ZNF385D: variants seen among roughly 807,000 people sequenced by gnomAD.
ZNF385D encodes zinc finger protein 659.
ZNF385D carries 15 observed loss-of-function variants against 35.8 expected under a neutral mutation model. That is an observed-to-expected ratio of 0.42 (90% CI 0.28 to 0.64). The LOEUF (loss-of-function observed/expected upper bound fraction) is 0.64, where lower values mean the gene tolerates loss of function less well. Ranked by LOEUF, ZNF385D falls within the 30% of genes least tolerant of loss-of-function variation. The probability of loss-of-function intolerance (pLI) is 0.23; values close to 1 mark genes in which losing one functional copy is unlikely to be tolerated. For synonymous variants in ZNF385D, 212 were observed against 186.8 expected (o/e 1.13, Z -1.10); for missense variants, 474 against 494.6 (o/e 0.96, Z 0.39).
At chr3:22,213,376 T>G (rs943420516) in intron 2 of ZNF385D, among the ~76,000 whole-genome samples, 16 of 152,086 alleles carry the variant, frequency 1.1e-4, no homozygotes, top group African/African-American at 3.9e-4. Flanking sequence ...TGGACCAGAT[T>G]TGACCATTGG....
intron 2 of ZNF385D, among the ~76,000 whole-genome samples, chr3:22,252,504 TC>T (rs1403947136): frequency 2.0e-5 from 3 of 152,014 alleles, no homozygotes; most frequent in African/African-American, 7.2e-5. Flanking sequence ...TGAGCAGAGT[TC>T]ATGGGAGCAA....
intron 3 of ZNF385D, among the ~76,000 whole-genome samples, chr3:21,832,771 T>C (rs190951315): frequency 1.3e-5 from 2 of 152,300 alleles, no homozygotes; most frequent in East Asian, 1.9e-4. Flanking sequence ...GAAGTTGTAC[T>C]AGACATTTCA....
chr3:21,751,925 C>G (rs12637349), upstream of ZNF385D, among the ~76,000 whole-genome samples: 16,681 of 151,494 alleles, frequency 0.11, 1,317 homozygotes, highest in East Asian at 0.41. Flanking sequence ...AACGGAGAGA[C>G]GATTAGCCTG....
intron 3 of ZNF385D, among the ~76,000 whole-genome samples, chr3:21,542,231 C>A (rs898044163): frequency 1.3e-5 from 2 of 152,058 alleles, no homozygotes; most frequent in African/African-American, 4.8e-5. Flanking sequence ...ATGAATCCTG[C>A]ATTGTGGAGA....
intron 3 of ZNF385D, among the ~76,000 whole-genome samples, chr3:21,851,392 T>C (rs908133325): frequency 2.6e-5 from 4 of 152,026 alleles, no homozygotes; most frequent in African/African-American, 7.2e-5. Flanking sequence ...ACTCAATATA[T>C]GTCCAGCAAT....
intron 4 of ZNF385D, among the ~76,000 whole-genome samples, chr3:21,453,816 T>C (rs1005407120): frequency 1.3e-5 from 2 of 152,014 alleles, no homozygotes; most frequent in Admixed American, 1.3e-4. Flanking sequence ...CTCAAAAAGT[T>C]AAATACAAAG....
chr3:21,771,444 G>A (rs192575473), intron 3 of ZNF385D, among the ~76,000 whole-genome samples: 25 of 151,772 alleles, frequency 1.6e-4, no homozygotes, highest in African/African-American at 2.4e-4. Flanking sequence ...AAATAAAATC[G>A]CAAGACATAA....
intron 4 of ZNF385D, among the ~76,000 whole-genome samples, chr3:21,491,681 C>T (rs1705433170): frequency 6.6e-6 from 1 of 152,116 alleles, no homozygotes; most frequent in African/African-American, 2.4e-5. Context: ...TACAGCCATG[C>T]TCATTCATTT....
At chr3:22,004,911 G>A (rs1160605892) in intron 3 of ZNF385D, among the ~76,000 whole-genome samples, 4 of 152,010 alleles carry the variant, frequency 2.6e-5, no homozygotes, top group African/African-American at 9.7e-5. Context: ...GCTGTGCCCT[G>A]ACCACTTTGG....
At chr3:21,693,215 T>C (rs1284209543) in intron 1 of ZNF385D, among the ~76,000 whole-genome samples, 1 of 152,164 alleles carries the variant, frequency 6.6e-6, no homozygotes. Context: ...CATCCTACGG[T>C]GACACTCATA....
intron 3 of ZNF385D, among the ~76,000 whole-genome samples, chr3:22,131,301 A>G (rs1703768821): frequency 6.6e-6 from 1 of 152,148 alleles, no homozygotes. Context: ...GCATGAAGTC[A>G]TTGGTGACCT....
At chr3:22,139,711 C>A (rs73047061) in intron 3 of ZNF385D, among the ~76,000 whole-genome samples, 3 of 151,732 alleles carry the variant, frequency 2.0e-5, no homozygotes, top group African/African-American at 7.3e-5. Context: ...CACATGTATA[C>A]ATATGTAACA....
chr3:21,597,800 G>C (rs2064168008), intron 2 of ZNF385D, among the ~76,000 whole-genome samples: 1 of 152,100 alleles, frequency 6.6e-6, no homozygotes, highest in Non-Finnish European at 1.5e-5. Flanking sequence ...GTATAATTTT[G>C]AATGGGTGGA....
At chr3:21,669,654 T>C (rs1030723404) in intron 1 of ZNF385D, among the ~76,000 whole-genome samples, 4 of 152,224 alleles carry the variant, frequency 2.6e-5, no homozygotes, top group Non-Finnish European at 4.4e-5. Context: ...GGAAATTTAC[T>C]GTATTAGATA....
intron 1 of ZNF385D, among the ~76,000 whole-genome samples, chr3:21,740,237 A>C (rs758032101): frequency 4.3e-4 from 66 of 152,166 alleles, no homozygotes; most frequent in Non-Finnish European, 2.8e-4. Context: ...GATTTCCCAC[A>C]TGTGCATAAA....
chr3:22,112,019 C>A (rs1702562797), intron 3 of ZNF385D, among the ~76,000 whole-genome samples: 1 of 152,086 alleles, frequency 6.6e-6, no homozygotes, highest in South Asian at 2.1e-4. Context: ...AGACATTTTA[C>A]CCTGCTCTAC....
intron 2 of ZNF385D, among the ~76,000 whole-genome samples, chr3:22,363,830 A>G (rs1451073928): frequency 6.6e-6 from 1 of 152,108 alleles, no homozygotes; most frequent in East Asian, 1.9e-4. Flanking sequence ...TCAAATACAG[A>G]GTACTGCATA....
intron 2 of ZNF385D, among the ~76,000 whole-genome samples, chr3:22,337,898 AAG>A (rs1020071103): frequency 4.6e-5 from 7 of 152,206 alleles, no homozygotes; most frequent in African/African-American, 1.7e-4. Flanking sequence ...ATGGATAGTA[AAG>A]AGAGTGGTGG....
chr3:22,015,134 A>G (rs1378705061), intron 3 of ZNF385D, among the ~76,000 whole-genome samples: 4 of 152,160 alleles, frequency 2.6e-5, no homozygotes, highest in African/African-American at 9.7e-5. Flanking sequence ...AGAATAAGAT[A>G]CTAAAGAATT....
Sources: gnomAD v4.1 joint callset for allele counts (sites outside exome capture counted in the v4.1 genomes callset) on GRCh38, gnomAD v4.1.1 for gene constraint, MANE v1.5 for transcripts, NCBI Gene and HGNC (gene_info 2026-07-23, HGNC 2026-07-21) for gene names.